The following BNC2 variants were observed in gnomAD, a reference collection of about 807,000 sequenced individuals.
BNC2 encodes the protein zinc finger protein basonuclin-2.
A neutral mutation model predicts 76.3 loss-of-function variants in BNC2; 20 were observed. That is an observed-to-expected ratio of 0.26 (90% CI 0.18 to 0.38). BNC2 has a LOEUF of 0.38. BNC2 is among the 10% of genes least tolerant of loss of function. The pLI, the probability that BNC2 is intolerant of heterozygous loss-of-function variation, is 1.00. For missense variants in BNC2, 1,382 were observed against 1,399.8 expected (o/e 0.99, Z 0.20); for synonymous variants, 582 against 514.8 (o/e 1.13, Z -1.77).
chr9:16,520,802 T>C (rs560418575), intron 5 of BNC2, among the ~76,000 whole-genome samples: 140 of 152,224 alleles, frequency 9.2e-4, no homozygotes, highest in Non-Finnish European at 1.7e-3. Context: ...AAGTTTCTTA[T>C]ATCAGGCCAC....
chr9:16,685,992 T>C (rs1028080550), intron 3 of BNC2, among the ~76,000 whole-genome samples: 1 of 152,190 alleles, frequency 6.6e-6, no homozygotes, highest in African/African-American at 2.4e-5. Flanking sequence ...CTGTTTCACA[T>C]TGGTGACATA....
At chr9:16,618,162 G>C (rs566051212) in intron 3 of BNC2, among the ~76,000 whole-genome samples, 2 of 152,284 alleles carry the variant, frequency 1.3e-5, no homozygotes, top group South Asian at 4.1e-4. Context: ...AGTGAGGCCA[G>C]TGCCTTGGGG....
chr9:16,503,938 T>C (rs1822573052), intron 5 of BNC2, among the ~76,000 whole-genome samples: 1 of 152,190 alleles, frequency 6.6e-6, no homozygotes, highest in Non-Finnish European at 1.5e-5. Flanking sequence ...CCAGGAATTA[T>C]AGTTCAGTAA....
Position 16,679,900 on chromosome 9 carries a change from G to A in BNC2, c.330+47897C>T, listed in dbSNP as rs529435658. Reference sequence around the variant, plus strand: ...CTTCCACCACTGGTATCCACTGAGTGCCTACCATGGCGTCAGTCCTCAGGG... The same window carrying A: ...CTTCCACCACTGGTATCCACTGAGTACCTACCATGGCGTCAGTCCTCAGGG... On this transcript the variant is annotated intron_variant, in intron 3 of 6. Transcript: ENST00000380672. Among the ~76,000 whole-genome samples, 10 of 152,344 alleles carry A rather than the reference G, an allele frequency of 6.6e-5. No homozygotes were observed. In the East Asian group the frequency reaches 1.9e-3, roughly 29 times the overall value.
At chr9:16,787,798 G>A (rs1826338439) in intron 1 of BNC2, among the ~76,000 whole-genome samples, 1 of 152,104 alleles carries the variant, frequency 6.6e-6, no homozygotes, top group Admixed American at 6.5e-5. Flanking sequence ...TGATCCTCCT[G>A]GTTCAGCGTC....
In BNC2 at chr9:16,539,713, A is replaced by AAAGAG. The variant is rs1329268000; in HGVS notation, c.669+12816_669+12817insCTCTT. Among the ~76,000 whole-genome samples the AAAGAG allele has an allele frequency of 2.3e-5, 3 of 128,768 alleles. 1 individual carries two copies. Among genetic ancestry groups the AAAGAG allele is most frequent in the African/African-American group, 1.0e-4 (3 of 29,854 alleles). 84.5% of individuals were successfully genotyped at this position (128,768 alleles called of 152,430 possible). Reference sequence around the variant, plus strand: ...AAGGGAGAAAGGAAGGGAGGAAGGAAGGAAGGGGAAGGAAAAGAGGGAAAG... The same window carrying AAAGAG: ...AAGGGAGAAAGGAAGGGAGGAAGGAAAAGAGGGAAGGGGAAGGAAAAGAGGGAAAG... On this transcript the variant is annotated intron_variant, in intron 5 of 6. Transcript: ENST00000380672.
chr9:16,796,096 T>A (rs1428242381), intron 1 of BNC2, among the ~76,000 whole-genome samples: 1 of 152,184 alleles, frequency 6.6e-6, no homozygotes, highest in African/African-American at 2.4e-5. Flanking sequence ...ACACTCCTTC[T>A]ACTAAGCAAC....
intron 1 of BNC2, among the ~76,000 whole-genome samples, chr9:16,767,959 T>G (rs1825739963): frequency 2.0e-5 from 3 of 148,448 alleles, no homozygotes; most frequent in Middle Eastern, 3.4e-3. Context: ...AGAGGCAGGT[T>G]ATGCAATTTT....
At chr9:16,537,105 G>C (rs1268404236) in intron 5 of BNC2, among the ~76,000 whole-genome samples, 1 of 151,976 alleles carries the variant, frequency 6.6e-6, no homozygotes, top group Non-Finnish European at 1.5e-5. Flanking sequence ...ATGTCTAGAA[G>C]CTCCAGATTT....
rs60198484 is a variant in BNC2, at chr9:16,544,809, C to CAA, written c.669+7719_669+7720dup. 2.8e-4 allele frequency among the ~76,000 whole-genome samples: 23 copies of CAA among 82,618 alleles called. No homozygotes were observed. The East Asian group carries it at 5.2e-3, about 19-fold the overall frequency. 54.2% of individuals were successfully genotyped at this position (82,618 alleles called of 152,430 possible). Reference sequence around the variant, plus strand: ...TGGGAGACAGAGTGAGACTCCACCTCAAAAAAAAAAAAAAAAGAATAAACC... The same window carrying CAA: ...TGGGAGACAGAGTGAGACTCCACCTCAAAAAAAAAAAAAAAAAAGAATAAACC... On this transcript the variant is annotated intron_variant, in intron 5 of 6. Transcript: ENST00000380672.
At chr9:16,675,288 G>A (rs768930343) in intron 3 of BNC2, among the ~76,000 whole-genome samples, 1 of 151,848 alleles carries the variant, frequency 6.6e-6, no homozygotes, top group African/African-American at 2.4e-5. Context: ...GTGTCACCCA[G>A]GCTGGAGTTC....
chr9:16,641,222 T>G (rs77937812), intron 3 of BNC2, among the ~76,000 whole-genome samples: 8,763 of 152,238 alleles, frequency 0.058, 469 homozygotes, highest in African/African-American at 0.13. Context: ...ATGTACAGTA[T>G]GCACAGTATG....
intron 3 of BNC2, among the ~76,000 whole-genome samples, chr9:16,643,443 T>G (rs1821543868): frequency 6.6e-6 from 1 of 152,138 alleles, no homozygotes; most frequent in Non-Finnish European, 1.5e-5. Context: ...AAGGCTGGTC[T>G]GGAATCCACA....
intron 1 of BNC2, among the ~76,000 whole-genome samples, chr9:16,786,058 G>A (rs915489256): frequency 1.3e-5 from 2 of 152,046 alleles, no homozygotes; most frequent in Non-Finnish European, 2.9e-5. Flanking sequence ...TTTCTGGACA[G>A]CACCCAAAGA....
rs117681294 is a variant in BNC2 at position 16,581,791 on chromosome 9, G to A, written c.433+1192C>T. On this transcript the variant is annotated intron_variant, in intron 4 of 6. Coordinates refer to ENST00000380672, the MANE Select transcript of BNC2 (RefSeq NM_017637.6). Reference sequence around the variant, plus strand: ...CATCTGTTGTTCAAGACTGGACTGAGACCTGTTGCTGATTTGGGCCTTGTT... The same window carrying A: ...CATCTGTTGTTCAAGACTGGACTGAAACCTGTTGCTGATTTGGGCCTTGTT... Among the ~76,000 whole-genome samples the A allele has an allele frequency of 2.8e-3, 430 of 152,278 alleles. 3 individuals are homozygous for A. Among genetic ancestry groups the A allele is most frequent in the South Asian group, 9.7e-3 (47 of 4,828 alleles).
intron 1 of BNC2, among the ~76,000 whole-genome samples, chr9:16,758,879 T>C (rs551744726): frequency 1.3e-4 from 19 of 151,762 alleles, no homozygotes; most frequent in African/African-American, 4.6e-4. Context: ...ACTGGTTGTA[T>C]TTATACTCAC....
chr9:16,651,174 A>G (rs1821784241), intron 3 of BNC2, among the ~76,000 whole-genome samples: 2 of 152,210 alleles, frequency 1.3e-5, no homozygotes, highest in African/African-American at 4.8e-5. Flanking sequence ...TACTTTCAAA[A>G]GAGACCGTTA....
At chr9:16,558,894 A>G (rs1818922803) in intron 4 of BNC2, among the ~76,000 whole-genome samples, 3 of 150,396 alleles carry the variant, frequency 2.0e-5, no homozygotes, top group Non-Finnish European at 4.4e-5. Context: ...AGATTGTGCC[A>G]CTGCACTCCA....
intron 3 of BNC2, among the ~76,000 whole-genome samples, chr9:16,692,398 T>G (rs1823199622): frequency 6.6e-6 from 1 of 152,210 alleles, no homozygotes; most frequent in African/African-American, 2.4e-5. Flanking sequence ...CGCAATATCT[T>G]GTAAAGTTGC....
Sources: allele counts gnomAD v4.1 joint callset (sites outside exome capture counted in the v4.1 genomes callset), GRCh38; gene constraint gnomAD v4.1.1; transcripts MANE v1.5; gene names NCBI Gene and HGNC (gene_info 2026-07-23, HGNC 2026-07-21).